Variants in ARFGEF3 observed in about 807,000 individuals in gnomAD.
The protein encoded by ARFGEF3 is ARFGEF family member 3.
ARFGEF3 carries 96 observed loss-of-function variants against 221.7 expected under a neutral mutation model. The observed-to-expected ratio is 0.43, with a 90% confidence interval of 0.37 to 0.51. ARFGEF3 has a LOEUF of 0.51. Ranked by LOEUF, ARFGEF3 falls within the 20% of genes least tolerant of loss-of-function variation. The pLI, the probability that ARFGEF3 is intolerant of heterozygous loss-of-function variation, is 0.00. For missense variants in ARFGEF3, 2,410 were observed against 2,789.9 expected (o/e 0.86, Z 3.07); for synonymous variants, 1,145 against 1,126.8 (o/e 1.02, Z -0.32).
At chr6:138,279,978 T>C (rs1779167455) in intron 13 of ARFGEF3, 21 bp from the exon 14 acceptor site, 1 of 1,612,824 alleles carries the variant, frequency 6.2e-7, no homozygotes, top group Non-Finnish European at 8.5e-7. Context: ...GTGGTCACCT[T>C]CTCATGCGAT....
Position 138,278,610 on chromosome 6 carries a change from G to A in ARFGEF3, c.2288G>A (p.Gly763Asp). 1 of 1,613,800 alleles carries A rather than the reference G, an allele frequency of 6.2e-7. No homozygotes were observed. The highest frequency in any genetic ancestry group is 8.5e-7 in the Non-Finnish European group (1 of 1,179,852). The change falls in exon 13 of 34, where the codon GGC (glycine) becomes GAC (aspartate). Residue 763 changes from glycine to aspartate, a missense_variant. Physicochemically the swap from Gly to Asp is moderately conservative, Grantham distance 94. Transcript: ENST00000251691. ...YYRKRPTLAPGVMKDFMKQVQ... is the reference protein window; with the variant it reads ...YYRKRPTLAPDVMKDFMKQVQ... ...AGGAAGCGGCCGACCCTGGCGCCAG[G>A]CGTGATGGTGAGTGTGCCGTCCCTC...
At chr6:138,217,803 A>G in intron 4 of ARFGEF3, 1 of 840,594 alleles carries the variant, frequency 1.2e-6, no homozygotes, top group Non-Finnish European at 1.7e-6. Flanking sequence ...CAAGATTGAG[A>G]AAGATCAACA....
intron 12 of ARFGEF3, among the ~76,000 whole-genome samples, chr6:138,276,794 T>C (rs1395732885): frequency 6.6e-6 from 1 of 152,162 alleles, no homozygotes; most frequent in African/African-American, 2.4e-5. Flanking sequence ...GCCTACCAAA[T>C]GGCTGGGACT....
intron 4 of ARFGEF3, among the ~76,000 whole-genome samples, chr6:138,210,803 T>G (rs549113941): frequency 1.0e-3 from 157 of 152,358 alleles, no homozygotes; most frequent in Middle Eastern, 0.01. Flanking sequence ...ATAGTTGGTG[T>G]CATCCCATGG....
chr6:138,172,714 A>G (rs1043456736), intron 2 of ARFGEF3, among the ~76,000 whole-genome samples: 18 of 152,206 alleles, frequency 1.2e-4, no homozygotes, highest in African/African-American at 3.6e-4. Context: ...AAGAATTGAT[A>G]TGGAATTGGT....
chr6:138,337,439 G>A lies in ARFGEF3; in HGVS notation c.*953G>A, dbSNP rs1168514892. 6.6e-6 allele frequency: 1 copy of A among 152,604 alleles called. No individual in the cohort carries two copies. The highest frequency in any genetic ancestry group is 1.5e-5 in the Non-Finnish European group (1 of 68,040). 9.5% of individuals were successfully genotyped at this position (152,604 alleles called of 1,614,324 possible). A position where few individuals can be genotyped will look rare whatever the true frequency, so the allele number is the denominator to read the frequency against. On this transcript the variant is annotated 3_prime_UTR_variant, in exon 34 of 34. Coordinates refer to ENST00000251691, the MANE Select transcript of ARFGEF3 (RefSeq NM_020340.5). The stretch of plus-strand genomic sequence containing the variant: ...TTTTAAGAAAACAAAACATTAAGAC[G>A]CAACTCATTTTATATCAACACGCTT...
chr6:138,211,321 A>G (rs1777723595), intron 4 of ARFGEF3, among the ~76,000 whole-genome samples: 1 of 152,184 alleles, frequency 6.6e-6, no homozygotes, highest in Admixed American at 6.5e-5. Flanking sequence ...TCTTAAACAC[A>G]ATGAACATGA....
Position 138,286,011 on chromosome 6 carries a change from C to T in ARFGEF3, c.2527C>T (p.Pro843Ser), listed in dbSNP as rs780856388. The T allele has an allele frequency of 1.2e-6, 2 of 1,610,014 alleles. No homozygotes were observed. Among genetic ancestry groups the T allele is most frequent in the South Asian group, 1.1e-5 (1 of 91,070 alleles). ...QLMASAATES[P>S]FAQSRRIDDS... The stretch of plus-strand genomic sequence containing the variant: ...GATGGCCTCGGCTGCTACAGAGTCT[C>T]CTTTCGCCCAGAGCAGGAGAATTGA... The change falls in exon 15 of 34, where the codon CCT becomes TCT. Residue 843 changes from proline (P) to serine (S), a missense_variant. Transcript: ENST00000251691.
chr6:138,280,253 G>A (rs1779175347), intron 14 of ARFGEF3, 89 bp downstream of exon 14: 9 of 1,338,878 alleles, frequency 6.7e-6, no homozygotes, highest in Admixed American at 2.1e-5. Flanking sequence ...GTTGGTGCTT[G>A]GAGCAGACTT....
rs1780337563 is a variant in ARFGEF3 at position 138,336,922 on chromosome 6, A to G, written c.*436A>G. ...AAGTCAAGCTGATAAACACTCAGAC[A>G]TCTAGTACCAGGGATTATTAATTGG... On this transcript the variant is annotated 3_prime_UTR_variant, in exon 34 of 34. Coordinates refer to ENST00000251691, the MANE Select transcript of ARFGEF3 (RefSeq NM_020340.5). 1 of 152,632 alleles carries G rather than the reference A, an allele frequency of 6.6e-6. No individual in the cohort carries two copies. The highest frequency in any genetic ancestry group is 1.5e-5 in the Non-Finnish European group (1 of 68,228). The allele number at this position is 152,632 out of a possible 1,614,324, so 9.5% of individuals were successfully genotyped here.
In ARFGEF3 at chr6:138,319,937, A is replaced by G; in HGVS notation, c.4651+58A>G. ...TATTTCTTTGGTAGACAGCACCGTC[A>G]GCTAAAACGGTGTAGTAAATACCTA... is the stretch of plus-strand genomic sequence containing the variant. On this transcript the variant is annotated intron_variant, in intron 28 of 33. Transcript: ENST00000251691. 3 of 1,455,062 alleles carry G rather than the reference A, an allele frequency of 2.1e-6. No individual in the cohort carries two copies. In the South Asian group the frequency reaches 3.5e-5, roughly 17 times the overall value. The allele number at this position is 1,455,062 out of a possible 1,614,324, so 90.1% of individuals were successfully genotyped here.
rs35236693 is a variant in ARFGEF3 at position 138,174,469 on chromosome 6, TAAAAAAAAAAAAAAAAAAAAAAA to T, written c.137+3772_137+3794del. Among the ~76,000 whole-genome samples, 23 of 25,302 alleles carry T rather than the reference TAAAAAAAAAAAAAAAAAAAAAAA, an allele frequency of 9.1e-4. 1 individual carries two copies. In the East Asian group the frequency reaches 0.038, roughly 42 times the overall value. 16.6% of individuals were successfully genotyped at this position (25,302 alleles called of 152,430 possible). A position where few individuals can be genotyped will look rare whatever the true frequency, so the allele number is the denominator to read the frequency against. The stretch of plus-strand genomic sequence containing the variant: ...GGCATCCTTCTATTTGAGCATCTGC[TAAAAAAAAAAAAAAAAAAAAAAA>T]AAAAAAAAAAAAAAATCCAGGCACT... On this transcript the variant is annotated intron_variant, in intron 2 of 33. Transcript: ENST00000251691.
Position 138,334,606 on chromosome 6 carries a change from G to A in ARFGEF3, c.5760G>A (p.Leu1920=), listed in dbSNP as rs1394249907. Residue 1920 remains leucine, a synonymous_variant, in exon 33 of 34, where the codon TTG becomes TTA. Coordinates refer to ENST00000251691, the MANE Select transcript of ARFGEF3 (RefSeq NM_020340.5). This position sits in a 1 kb window ranked among gnomAD's most constrained non-coding sequence, Gnocchi z 5.1. The part of the protein sequence containing the change: ...ELCNNYIQMH[L]DLENCMEEPP... ...GCAACAACTACATCCAGATGCACTT[G>A]GACCTGGAGAACTGTATGGAGGAGC... is the stretch of plus-strand genomic sequence containing the variant. 5.0e-6 allele frequency: 8 copies of A among 1,613,682 alleles called. No homozygotes were observed. In the South Asian group the frequency reaches 8.8e-5, roughly 18 times the overall value.
intron 12 of ARFGEF3, among the ~76,000 whole-genome samples, chr6:138,265,556 C>T (rs1453357777): frequency 6.6e-6 from 1 of 152,088 alleles, no homozygotes; most frequent in Non-Finnish European, 1.5e-5. Flanking sequence ...TCTTTTATAT[C>T]ACTGTCATTA....
intron 22 of ARFGEF3, among the ~76,000 whole-genome samples, chr6:138,305,057 G>A (rs2114656683): frequency 6.8e-6 from 1 of 147,082 alleles, no homozygotes; most frequent in Admixed American, 6.8e-5. Context: ...ATTGAATAAA[G>A]CAAAGTTTCA....
chr6:138,292,171 C>G (rs1324655140), intron 19 of ARFGEF3, 118 bp downstream of exon 19: 1 of 865,884 alleles, frequency 1.2e-6, no homozygotes, highest in South Asian at 2.6e-5. Context: ...TAAATCTCTT[C>G]CATCTTTTTC....
intron 17 of ARFGEF3, among the ~76,000 whole-genome samples, chr6:138,289,321 T>C (rs1779356207): frequency 6.6e-6 from 1 of 152,186 alleles, no homozygotes. Context: ...AATTGGTCAT[T>C]TTCAGTGATA....
rs1473462729 is a variant in ARFGEF3, at chr6:138,289,979, G to A, written c.3047+11G>A. The A allele has an allele frequency of 1.2e-6, 2 of 1,602,326 alleles. No individual in the cohort carries two copies. Among genetic ancestry groups the A allele is most frequent in the African/African-American group, 1.3e-5 (1 of 74,694 alleles). Reference sequence around the variant, plus strand: ...GCCACACGTGTTCAGGTGCATGACGGGCTCCCACCCCCAGATGGCACTAAC... The same window carrying A: ...GCCACACGTGTTCAGGTGCATGACGAGCTCCCACCCCCAGATGGCACTAAC... On this transcript the variant is annotated intron_variant, in intron 18 of 33. Coordinates refer to ENST00000251691, the MANE Select transcript of ARFGEF3 (RefSeq NM_020340.5).
chr6:138,289,989 C>G (rs1420201078), intron 18 of ARFGEF3, 21 bp downstream of exon 18: 1 of 1,599,076 alleles, frequency 6.3e-7, no homozygotes, highest in South Asian at 1.1e-5. Flanking sequence ...GGCTCCCACC[C>G]CCAGATGGCA....
Sources: allele counts gnomAD v4.1 joint callset (sites outside exome capture counted in the v4.1 genomes callset), GRCh38; gene constraint gnomAD v4.1.1; non-coding constraint Gnocchi (gnomAD v3.1); transcripts MANE v1.5; gene names NCBI Gene and HGNC (gene_info 2026-07-23, HGNC 2026-07-21).